The following FAM13A variants were observed in gnomAD, a reference collection of about 807,000 sequenced individuals.
FAM13A encodes the protein protein FAM13A.
FAM13A carries 76 observed loss-of-function variants against 129.6 expected under a neutral mutation model. The ratio of observed to expected loss-of-function variants is 0.59; its 90% CI spans 0.49 to 0.71. The LOEUF (loss-of-function observed/expected upper bound fraction) is 0.71, where lower values mean the gene tolerates loss of function less well. Ranked by LOEUF, FAM13A falls within the 30% of genes least tolerant of loss-of-function variation. The pLI, the probability that FAM13A is intolerant of heterozygous loss-of-function variation, is 0.00. For missense variants in FAM13A, 1,108 were observed against 1,249.3 expected (o/e 0.89, Z 1.70); for synonymous variants, 443 against 449.9 (o/e 0.98, Z 0.20).
intron 2 of FAM13A, among the ~76,000 whole-genome samples, chr4:89,026,992 A>C (rs1768047019): frequency 6.6e-6 from 1 of 152,168 alleles, no homozygotes; most frequent in Non-Finnish European, 1.5e-5. Context: ...GGGAGAAGAG[A>C]CTTGTAATCC....
At chr4:88,729,059 G>GTT (rs529829067) in intron 23 of FAM13A, 61 of 78,338 alleles carry the variant, frequency 7.8e-4, no homozygotes, top group Non-Finnish European at 9.6e-4. Context: ...CCACAACTTA[G>GTT]TTTTTTTTTT....
intron 5 of FAM13A, among the ~76,000 whole-genome samples, chr4:88,914,993 G>GT (rs1472252265): frequency 1.3e-5 from 2 of 152,156 alleles, no homozygotes; most frequent in Non-Finnish European, 2.9e-5. Context: ...TTGGTGTGCT[G>GT]GGGTCAAACT....
In FAM13A at chr4:89,057,079, A is replaced by G; in HGVS notation, c.-115T>C. 2 of 1,546,914 alleles carry G rather than the reference A, an allele frequency of 1.3e-6. No individual in the cohort carries two copies. Among genetic ancestry groups the G allele is most frequent in the Non-Finnish European group, 1.7e-6 (2 of 1,150,332 alleles). ...TCTTTGATGTGAAAAACAGCTCCCA[A>G]TGCAAAGGCCCCAAGGTAAGCGAAG... On this transcript the variant is annotated 5_prime_UTR_variant, in exon 1 of 24. Transcript: ENST00000264344.
intron 6 of FAM13A, among the ~76,000 whole-genome samples, chr4:88,894,492 T>C (rs1438894004): frequency 1.3e-5 from 2 of 152,204 alleles, no homozygotes; most frequent in Non-Finnish European, 2.9e-5. Flanking sequence ...GCAGTGTTCC[T>C]ATAATAACAT....
intron 7 of FAM13A, chr4:88,823,397 TCC>T: frequency 1.1e-6 from 1 of 897,688 alleles, no homozygotes; most frequent in African/African-American, 1.8e-5. Context: ...CCTCCTTCTC[TCC>T]TCCTGCTCCT....
At chr4:88,957,518 C>A (rs182877261) in intron 4 of FAM13A, among the ~76,000 whole-genome samples, 2 of 152,260 alleles carry the variant, frequency 1.3e-5, no homozygotes, top group East Asian at 3.9e-4. Flanking sequence ...TCGGATATTT[C>A]TTTATAGCAA....
intron 1 of FAM13A, among the ~76,000 whole-genome samples, chr4:89,035,521 G>T (rs796956477): frequency 9.2e-5 from 14 of 152,122 alleles, no homozygotes; most frequent in African/African-American, 3.4e-4. Flanking sequence ...AAAAGAAAAA[G>T]GATAATTGAG....
chr4:88,749,379 C>G (rs949956015), intron 16 of FAM13A, among the ~76,000 whole-genome samples: 5 of 152,144 alleles, frequency 3.3e-5, no homozygotes, highest in Admixed American at 3.3e-4. Flanking sequence ...CAGCAACCGT[C>G]ACAAAAATGC....
chr4:89,024,345 A>G (rs954593500), intron 2 of FAM13A, among the ~76,000 whole-genome samples: 2 of 152,174 alleles, frequency 1.3e-5, no homozygotes, highest in African/African-American at 4.8e-5. Flanking sequence ...AGAAGCCGTT[A>G]ACATTGTCAG....
intron 21 of FAM13A, chr4:88,736,328 TAA>T (rs1416882914): frequency 6.6e-6 from 1 of 152,154 alleles, no homozygotes; most frequent in Non-Finnish European, 1.5e-5. Context: ...AAGGAATACA[TAA>T]AAGAAGACTT....
intron 1 of FAM13A, among the ~76,000 whole-genome samples, chr4:89,039,651 C>T (rs954903084): frequency 3.9e-5 from 6 of 152,012 alleles, no homozygotes; most frequent in African/African-American, 1.4e-4. Context: ...AATGCTAGCA[C>T]TTTGGGAGGC....
At chr4:89,041,825 C>A (rs912601541) in intron 1 of FAM13A, among the ~76,000 whole-genome samples, 2 of 151,838 alleles carry the variant, frequency 1.3e-5, no homozygotes, top group Non-Finnish European at 1.5e-5. Context: ...GAGGCTGAGG[C>A]ACAAGAATTG....
chr4:89,032,595 T>C (rs1479627471), intron 1 of FAM13A, among the ~76,000 whole-genome samples: 2 of 152,212 alleles, frequency 1.3e-5, no homozygotes, highest in Non-Finnish European at 2.9e-5. Flanking sequence ...ACCAGTATAC[T>C]TTTTTATAAT....
At chr4:88,974,301 G>C (rs1332361989) in intron 4 of FAM13A, among the ~76,000 whole-genome samples, 1 of 152,086 alleles carries the variant, frequency 6.6e-6, no homozygotes, top group African/African-American at 2.4e-5. Flanking sequence ...GTATCTGCCT[G>C]TCTGTCTGAC....
intron 8 of FAM13A, among the ~76,000 whole-genome samples, chr4:88,799,751 G>A (rs1181819935): frequency 1.3e-5 from 2 of 152,160 alleles, no homozygotes; most frequent in African/African-American, 2.4e-5. Context: ...CCAAAGTGCT[G>A]GGATTACAGG....
chr4:88,766,795 C>T lies in FAM13A; in HGVS notation c.1578+758G>A, dbSNP rs554808564. Among the ~76,000 whole-genome samples the T allele has an allele frequency of 6.5e-4, 99 of 152,236 alleles. 1 individual carries two copies. In the South Asian group the frequency reaches 0.018, roughly 27 times the overall value. ...CTAAGAATCATTGGGTTAGAGGGAACGTTCTCTTTATATCAAGAGTCAGAA... is the reference window on the plus strand; with the variant it reads ...CTAAGAATCATTGGGTTAGAGGGAATGTTCTCTTTATATCAAGAGTCAGAA... On this transcript the variant is annotated intron_variant, in intron 13 of 23. Coordinates refer to ENST00000264344, the MANE Select transcript of FAM13A (RefSeq NM_014883.4).
chr4:89,003,644 T>C (rs969958298), intron 3 of FAM13A, among the ~76,000 whole-genome samples: 1 of 150,792 alleles, frequency 6.6e-6, no homozygotes, highest in African/African-American at 2.4e-5. Context: ...AAGAAAAAAA[T>C]ATATATACAT....
chr4:88,937,989 G>C (rs1293032337), intron 5 of FAM13A, 99 bp downstream of exon 5: 1 of 833,522 alleles, frequency 1.2e-6, no homozygotes. Context: ...ATAATAATCT[G>C]AGGGTTATAT....
intron 6 of FAM13A, among the ~76,000 whole-genome samples, chr4:88,885,142 GA>G (rs902041576): frequency 1.2e-3 from 178 of 150,568 alleles, no homozygotes; most frequent in African/African-American, 4.1e-3. Context: ...AACAGAACCA[GA>G]AAAAAAAATC....
Sources: gnomAD v4.1 joint callset for allele counts (sites outside exome capture counted in the v4.1 genomes callset) on GRCh38, gnomAD v4.1.1 for gene constraint, MANE v1.5 for transcripts, NCBI Gene and HGNC (gene_info 2026-07-23, HGNC 2026-07-21) for gene names.